Variants in KAT14 observed in about 807,000 individuals in gnomAD.
The protein encoded by KAT14 is cysteine-rich protein 2-binding protein.
A neutral mutation model predicts 78.4 loss-of-function variants in KAT14; 66 were observed. That is an observed-to-expected ratio of 0.84 (90% CI 0.69 to 1.03). The LOEUF (loss-of-function observed/expected upper bound fraction) is 1.03. KAT14 is among the 50% of genes least tolerant of loss of function. KAT14 has a pLI of 0.00. For synonymous variants in KAT14, 344 were observed against 359.4 expected, an observed-to-expected ratio of 0.96 and a Z score of 0.48; for missense variants, 870 against 972.5, an observed-to-expected ratio of 0.89 and a Z score of 1.40.
rs542293023 is a variant in KAT14 at position 18,151,188 on chromosome 20, C to CTTAT, written c.500+265_500+268dup. ...TACAGGTGTGCACCAACATGCCTGG[C>CTTAT]TTATTTATTTATTTATTTATTTTTT... On this transcript the variant is annotated intron_variant, in intron 4 of 10. Transcript: ENST00000688188. 6.7e-3 allele frequency among the ~76,000 whole-genome samples: 1,022 copies of CTTAT among 151,558 alleles called. 7 individuals are homozygous for CTTAT. Among genetic ancestry groups the CTTAT allele is most frequent in the African/African-American group, 0.023 (962 of 41,286 alleles).
In KAT14 at chr20:18,161,911, A is replaced by G. The variant is rs2038439832; in HGVS notation, c.771A>G (p.Leu257=). ...SRNPVESAME[L]KEKRSRTQEA... The stretch of plus-strand genomic sequence containing the variant: ...ATCCTGTGGAATCTGCCATGGAATT[A>G]AAAGAGAAAAGGTCTCGAACTCAGG... Residue 257 remains leucine (L), a synonymous_variant, in exon 6 of 11, where the codon TTA becomes TTG. Transcript: ENST00000688188. 1 of 1,614,242 alleles carries G rather than the reference A, an allele frequency of 6.2e-7. No individual in the cohort carries two copies. The highest frequency in any genetic ancestry group is 1.1e-5 in the South Asian group (1 of 91,078).
chr20:18,165,440 C>T (rs2038604625), intron 7 of KAT14, among the ~76,000 whole-genome samples: 1 of 152,104 alleles, frequency 6.6e-6, no homozygotes. Context: ...GCCAAGACCA[C>T]CAAGGATTGC....
chr20:18,187,459 A>G lies in KAT14; in HGVS notation c.2346A>G (p.Ter782TrpextTer21). The G allele has an allele frequency of 4.3e-6, 7 of 1,613,964 alleles. No individual in the cohort carries two copies. The highest frequency in any genetic ancestry group is 5.9e-6 in the Non-Finnish European group (7 of 1,179,954). The change falls in exon 11 of 11, where the codon TGA becomes TGG. Residue 782 changes from the stop codon to tryptophan, a stop_lost. Transcript: ENST00000688188. ...KHAFFLRLRR[*>W] is the part of the protein sequence containing the mutation. ...CATTCTTTCTGAGGCTCCGGCGCTG[A>G]TGCGAATACAGCTCACAGAGAAACG... is the stretch of plus-strand genomic sequence containing the variant.
chr20:18,177,424 TCCAC>T (rs1330012223), intron 7 of KAT14, among the ~76,000 whole-genome samples: 1 of 152,206 alleles, frequency 6.6e-6, no homozygotes, highest in African/African-American at 2.4e-5. Context: ...ATTCACAAGG[TCCAC>T]CCAGCTTCAG....
chr20:18,184,091 T>C (rs1309615724), intron 9 of KAT14, among the ~76,000 whole-genome samples: 1 of 152,212 alleles, frequency 6.6e-6, no homozygotes, highest in African/African-American at 2.4e-5. Flanking sequence ...TTAGGTGCCT[T>C]CCATACATTA....
intron 3 of KAT14, among the ~76,000 whole-genome samples, chr20:18,146,125 C>T (rs1426976878): frequency 3.3e-5 from 5 of 152,284 alleles, no homozygotes; most frequent in South Asian, 4.1e-4. Flanking sequence ...TCAGCTGTAT[C>T]CTAAACAATA....
chr20:18,154,058 A>C (rs1216474272), intron 4 of KAT14, among the ~76,000 whole-genome samples: 1 of 152,134 alleles, frequency 6.6e-6, no homozygotes, highest in Non-Finnish European at 1.5e-5. Context: ...GATTCTTGCC[A>C]CCCGGTTTCA....
chr20:18,156,182 G>A (rs1481075683), intron 4 of KAT14, among the ~76,000 whole-genome samples: 2 of 152,160 alleles, frequency 1.3e-5, no homozygotes, highest in Non-Finnish European at 2.9e-5. Context: ...GATACTTAGG[G>A]TAGTGAAAAT....
chr20:18,169,468 G>A (rs1159197874), intron 7 of KAT14, among the ~76,000 whole-genome samples: 1 of 152,136 alleles, frequency 6.6e-6, no homozygotes, highest in Non-Finnish European at 1.5e-5. Flanking sequence ...ATGGTGGTCT[G>A]TGATCAGTGA....
At chr20:18,139,864 G>A (rs1568661071) in intron 1 of KAT14, among the ~76,000 whole-genome samples, 1 of 152,106 alleles carries the variant, frequency 6.6e-6, no homozygotes, top group Non-Finnish European at 1.5e-5. Context: ...AGCACTTTAT[G>A]TATATCATCT....
Position 18,162,680 on chromosome 20 carries a change from A to G in KAT14, c.1403A>G (p.Lys468Arg). 6.2e-7 allele frequency: 1 copy of G among 1,614,228 alleles called. No homozygotes were observed. Among genetic ancestry groups the G allele is most frequent in the South Asian group, 1.1e-5 (1 of 91,088 alleles). Residue 468 changes from lysine (K) to arginine (R), a missense_variant, in exon 7 of 11, where the codon AAG (lysine) becomes AGG (arginine). Coordinates refer to ENST00000688188, the MANE Select transcript of KAT14 (RefSeq NM_001392073.1). ...RYTPVSIYEE[K>R]LLLKRLEACP... ...ACTCCCGTGAGCATCTACGAGGAAA[A>G]GCTGCTGCTCAAGAGGCTGGAAGCT...
chr20:18,159,150 C>G lies in KAT14; in HGVS notation c.567C>G (p.Phe189Leu), dbSNP rs779584041. The change falls in exon 5 of 11, where the codon TTC (phenylalanine) becomes TTG (leucine). Residue 189 changes from phenylalanine to leucine, a missense_variant. Coordinates refer to ENST00000688188, the MANE Select transcript of KAT14 (RefSeq NM_001392073.1). ...GCLSVGSPMY[F>L]RSGAQEFGEP... ...TCAGCGTGGGAAGTCCCATGTACTT[C>G]CGTTCAGGTGCTCAGGAATTTGGAG... 2 of 1,614,062 alleles carry G rather than the reference C, an allele frequency of 1.2e-6. No homozygotes were observed. Among genetic ancestry groups the G allele is most frequent in the Non-Finnish European group, 1.7e-6 (2 of 1,179,974 alleles).
Position 18,142,722 on chromosome 20 carries a change from C to T in KAT14, c.62C>T (p.Thr21Ile). ...CGGCATGATGACGAAGCCACGAGAA[C>T]ATCGACCTCAGAAGGACTGGAGGAA... ...ISRHDDEATR[T>I]STSEGLEEGE... The change falls in exon 2 of 11, where the codon ACA becomes ATA. Residue 21 changes from threonine (T) to isoleucine (I), a missense_variant. Physicochemically the swap from Thr to Ile is moderately conservative, Grantham distance 89 (BLOSUM62 -1). Transcript: ENST00000688188. The T allele has an allele frequency of 6.2e-7, 1 of 1,614,188 alleles. No individual in the cohort carries two copies.
intron 5 of KAT14, among the ~76,000 whole-genome samples, chr20:18,160,519 T>C (rs1211223172): frequency 6.6e-6 from 1 of 152,368 alleles, no homozygotes; most frequent in Middle Eastern, 3.4e-3. Flanking sequence ...TATATAATTA[T>C]GTGATAATTT....
intron 1 of KAT14, among the ~76,000 whole-genome samples, chr20:18,139,981 A>G (rs983802091): frequency 1.1e-4 from 16 of 152,186 alleles, no homozygotes; most frequent in Admixed American, 9.8e-4. Context: ...ATTAGTAAGG[A>G]AAGTTGTTAG....
At chr20:18,155,398 CTG>C (rs2038191353) in intron 4 of KAT14, among the ~76,000 whole-genome samples, 3 of 152,060 alleles carry the variant, frequency 2.0e-5, no homozygotes, top group African/African-American at 7.2e-5. Context: ...AGGAAGAAAG[CTG>C]TGTGTGTGTT....
intron 7 of KAT14, among the ~76,000 whole-genome samples, chr20:18,168,220 G>A (rs1302577406): frequency 3.9e-5 from 6 of 152,042 alleles, no homozygotes; most frequent in East Asian, 1.9e-4. Flanking sequence ...TGAGAACCCC[G>A]GTACTGATAA....
At chr20:18,172,359 C>G (rs2038875741) in intron 7 of KAT14, among the ~76,000 whole-genome samples, 2 of 151,154 alleles carry the variant, frequency 1.3e-5, no homozygotes, top group Admixed American at 1.3e-4. Flanking sequence ...CTCGGCCTCC[C>G]AAAGTGCTGG....
In KAT14 at chr20:18,162,537, C is replaced by T. The variant is rs199748101; in HGVS notation, c.1260C>T (p.Pro420=). Reference sequence around the variant, plus strand: ...AGGTAGAGAGTGAGGAGGAAAAACCCGACAGGATGGATATTGACAGTGAAG... The same window carrying T: ...AGGTAGAGAGTGAGGAGGAAAAACCTGACAGGATGGATATTGACAGTGAAG... ...KQEVESEEEK[P]DRMDIDSEDT... The change falls in exon 7 of 11, where the codon CCC becomes CCT. Residue 420 remains proline (P), a synonymous_variant. Transcript: ENST00000688188. 1.0e-4 allele frequency: 165 copies of T among 1,614,036 alleles called. No individual in the cohort carries two copies. The highest frequency in any genetic ancestry group is 8.0e-4 in the East Asian group (36 of 44,876).
Sources: allele counts gnomAD v4.1 joint callset (sites outside exome capture counted in the v4.1 genomes callset), GRCh38; gene constraint gnomAD v4.1.1; transcripts MANE v1.5; gene names NCBI Gene and HGNC (gene_info 2026-07-23, HGNC 2026-07-21).